The following CCDC80 variants were observed in gnomAD, a reference collection of about 807,000 sequenced individuals.
CCDC80 encodes the protein coiled-coil domain containing 80, also known as coiled-coil domain-containing protein 80.
In CCDC80, 49 loss-of-function variants were observed where a neutral mutation model predicts 78.7. The ratio of observed to expected loss-of-function variants is 0.62; its 90% confidence interval spans 0.50 to 0.79. The LOEUF (loss-of-function observed/expected upper bound fraction) is 0.79. Ranked by LOEUF, CCDC80 falls within the 30% of genes least tolerant of loss-of-function variation. The pLI, the probability that CCDC80 is intolerant of heterozygous loss-of-function variation, is 0.00. For synonymous variants in CCDC80, 488 were observed against 447.0 expected, an observed-to-expected ratio of 1.09 and a Z score of -1.16; for missense variants, 1,205 against 1,198.6, an observed-to-expected ratio of 1.01 and a Z score of -0.08.
Position 112,616,847 on chromosome 3 carries a change from C to G in CCDC80, c.2184G>C (p.Glu728Asp), listed in dbSNP as rs1559876883. The G allele has an allele frequency of 4.3e-6, 7 of 1,613,738 alleles. No individual in the cohort carries two copies. The highest frequency in any genetic ancestry group is 5.9e-6 in the Non-Finnish European group (7 of 1,179,948). Residue 728 changes from glutamate to aspartate, a missense_variant, in exon 5 of 8, where the codon GAG (glutamate) becomes GAC (aspartate). Glu to Asp is a conservative substitution (Grantham distance 45, BLOSUM62 2). Transcript: ENST00000206423. ...DVDLRVKQYY[E>D]VPITMKSVFD... The stretch of plus-strand genomic sequence containing the variant: ...ACACAGACTTCATTGTTATTGGTAC[C>G]TCATAGTATTGCTGTTTAAGAAAAA...
intron 4 of CCDC80, among the ~76,000 whole-genome samples, chr3:112,618,484 G>A (rs751030540): frequency 6.6e-6 from 1 of 151,852 alleles, no homozygotes. Flanking sequence ...CCGAGATCAC[G>A]CCACTGCACT....
intron 2 of CCDC80, among the ~76,000 whole-genome samples, chr3:112,637,074 G>A (rs1455565364): frequency 6.6e-6 from 1 of 152,136 alleles, no homozygotes; most frequent in African/African-American, 2.4e-5. Flanking sequence ...ATTTGGTGGT[G>A]GCAAGTGATG....
rs775255842 is a variant in CCDC80 at position 112,601,696 on chromosome 3, AG to A, written c.*3720del. The A allele has an allele frequency of 1.7e-3, 47 of 28,246 alleles. 1 individual carries two copies. The highest frequency in any genetic ancestry group is 3.3e-3 in the African/African-American group (42 of 12,580). The allele number at this position is 28,246 out of a possible 1,614,324, so 1.7% of individuals were successfully genotyped here. A position where few individuals can be genotyped will look rare whatever the true frequency, so the allele number is the denominator to read the frequency against. On this transcript the variant is annotated 3_prime_UTR_variant, in exon 8 of 8. Transcript: ENST00000206423. ...CCTCTCCAAAAAAAGAAAAAAAAAA[AG>A]AGAAAAAAAAGAAGCAGCAGCAACG...
At chr3:112,631,585 G>A (rs1014425338) in intron 2 of CCDC80, among the ~76,000 whole-genome samples, 6 of 151,940 alleles carry the variant, frequency 3.9e-5, no homozygotes, top group South Asian at 2.1e-4. Flanking sequence ...CTATTTATCC[G>A]CCTAAACTTA....
rs1935342926 is a variant in CCDC80 at position 112,599,761 on chromosome 3, C to G, written c.*5656G>C. 6.6e-6 allele frequency: 1 copy of G among 152,206 alleles called. No homozygotes were observed. The highest frequency in any genetic ancestry group is 2.4e-5 in the African/African-American group (1 of 41,450). The allele number at this position is 152,206 out of a possible 1,614,324, so 9.4% of individuals were successfully genotyped here. On this transcript the variant is annotated 3_prime_UTR_variant, in exon 8 of 8. Coordinates refer to ENST00000206423, the MANE Select transcript of CCDC80 (RefSeq NM_199511.3). ...TGGGACCAGCTGGGTTGCACCCACT[C>G]CCCTGTGTCTGGACCTCCTGCCTAT...
Position 112,603,012 on chromosome 3 carries a change from G to GT in CCDC80, c.*2404dup, listed in dbSNP as rs910021005. On this transcript the variant is annotated 3_prime_UTR_variant, in exon 8 of 8. Transcript: ENST00000206423. ...CCAACAGGCTTACTCCTTGTTAGAA[G>GT]TTAACGCAGCTGGTGATTTTAAGTT... is the stretch of plus-strand genomic sequence containing the variant. The GT allele has an allele frequency of 6.6e-6, 1 of 152,194 alleles. No individual in the cohort carries two copies. The highest frequency in any genetic ancestry group is 1.5e-5 in the Non-Finnish European group (1 of 68,038). The allele number at this position is 152,194 out of a possible 1,614,324, so 9.4% of individuals were successfully genotyped here. A position where few individuals can be genotyped will look rare whatever the true frequency, so the allele number is the denominator to read the frequency against.
intron 6 of CCDC80, among the ~76,000 whole-genome samples, chr3:112,609,482 C>T (rs996196395): frequency 1.8e-4 from 28 of 152,184 alleles, no homozygotes; most frequent in African/African-American, 6.0e-4. Flanking sequence ...AAAATTCTTT[C>T]ACTAAGTCTT....
rs201546228 is a variant in CCDC80 at position 112,616,862 on chromosome 3, T to C, written c.2173-4A>G. ...TTATTGGTACCTCATAGTATTGCTG[T>C]TTAAGAAAAAACAGAATGCATTTAA... On this transcript the variant is annotated splice_region_variant and splice_polypyrimidine_tract_variant and intron_variant, in intron 4 of 7. Coordinates refer to ENST00000206423, the MANE Select transcript of CCDC80 (RefSeq NM_199511.3). 1.2e-6 allele frequency: 2 copies of C among 1,612,664 alleles called. No homozygotes were observed. The highest frequency in any genetic ancestry group is 2.2e-5 in the East Asian group (1 of 44,868).
At chr3:112,606,854 T>C (rs1212998217) in intron 7 of CCDC80, among the ~76,000 whole-genome samples, 2 of 152,184 alleles carry the variant, frequency 1.3e-5, no homozygotes, top group African/African-American at 4.8e-5. Context: ...AATTAAATGA[T>C]ATAAAATAGA....
chr3:112,619,222 A>G, intron 3 of CCDC80, 118 bp from the exon 4 acceptor site: 1 of 915,064 alleles, frequency 1.1e-6, no homozygotes, highest in Non-Finnish European at 1.5e-6. Context: ...TATATATTCA[A>G]CTCACGTTGT....
In CCDC80 at chr3:112,610,053, T is replaced by C; in HGVS notation, c.2350A>G (p.Ile784Val). 1 of 1,613,388 alleles carries C rather than the reference T, an allele frequency of 6.2e-7. No individual in the cohort carries two copies. Among genetic ancestry groups the C allele is most frequent in the Middle Eastern group, 1.6e-4 (1 of 6,062 alleles). The change falls in exon 6 of 8, where the codon ATC becomes GTC. Residue 784 changes from isoleucine (I) to valine (V), a missense_variant. Physicochemically the swap from Ile to Val is conservative, Grantham distance 29. Transcript: ENST00000206423. The part of the protein sequence containing the change: ...RFRWRRRLLV[I>V]SAPNDEDWAY... ...CAGTCTTCATCGTTAGGAGCAGAGATCACCAGCAACCTCCTCCTCCACCGG... is the reference window on the plus strand; with the variant it reads ...CAGTCTTCATCGTTAGGAGCAGAGACCACCAGCAACCTCCTCCTCCACCGG...
rs1329849156 is a variant in CCDC80, at chr3:112,601,694, AAAG to A, written c.*3720_*3722del. The stretch of plus-strand genomic sequence containing the variant: ...ACCCTCTCCAAAAAAAGAAAAAAAA[AAAG>A]AGAAAAAAAAGAAGCAGCAGCAACG... On this transcript the variant is annotated 3_prime_UTR_variant, in exon 8 of 8. Transcript: ENST00000206423. 3 of 29,126 alleles carry A rather than the reference AAAG, an allele frequency of 1.0e-4. No homozygotes were observed. Among genetic ancestry groups the A allele is most frequent in the Admixed American group, 2.8e-4 (1 of 3,538 alleles). 1.8% of individuals were successfully genotyped at this position (29,126 alleles called of 1,614,324 possible).
At chr3:112,619,228 G>A (rs772038259) in intron 3 of CCDC80, 124 bp from the exon 4 acceptor site, 65 of 868,340 alleles carry the variant, frequency 7.5e-5, no homozygotes, top group African/African-American at 1.1e-4. Context: ...TTCAACTCAC[G>A]TTGTGTTTGA....
In CCDC80 at chr3:112,639,364, T is replaced by C; in HGVS notation, c.542A>G (p.Glu181Gly). The change falls in exon 2 of 8, where the codon GAG (glutamate) becomes GGG (glycine). Residue 181 changes from glutamate to glycine, a missense_variant. Transcript: ENST00000206423. The part of the protein sequence containing the change: ...LKDDVYCELA[E>G]RHIQQIVLFH... ...GAGCACAATCTGTTGGATGTGCCTCTCCGCCAGCTCACAGTACACATCGTC... is the reference window on the plus strand; with the variant it reads ...GAGCACAATCTGTTGGATGTGCCTCCCCGCCAGCTCACAGTACACATCGTC... 3 of 1,614,140 alleles carry C rather than the reference T, an allele frequency of 1.9e-6. No individual in the cohort carries two copies. Among genetic ancestry groups the C allele is most frequent in the Non-Finnish European group, 2.5e-6 (3 of 1,180,028 alleles).
Position 112,639,547 on chromosome 3 carries a change from T to C in CCDC80, c.359A>G (p.Asp120Gly), listed in dbSNP as rs1238885252. Reference sequence around the variant, plus strand: ...TCTTGACCGAGCTGAGGACCCCTCATCTCTGATCATCTCACGCGGAGAGCC... The same window carrying C: ...TCTTGACCGAGCTGAGGACCCCTCACCTCTGATCATCTCACGCGGAGAGCC... ...ARGSPREMIR[D>G]EGSSARSRML... Residue 120 changes from aspartate (D) to glycine (G), a missense_variant, in exon 2 of 8, where the codon GAT becomes GGT. Coordinates refer to ENST00000206423, the MANE Select transcript of CCDC80 (RefSeq NM_199511.3). 1.9e-6 allele frequency: 3 copies of C among 1,614,034 alleles called. No individual in the cohort carries two copies. Among genetic ancestry groups the C allele is most frequent in the Non-Finnish European group, 2.5e-6 (3 of 1,180,022 alleles).
At chr3:112,631,389 A>G (rs1936095852) in intron 2 of CCDC80, among the ~76,000 whole-genome samples, 1 of 152,178 alleles carries the variant, frequency 6.6e-6, no homozygotes, top group Admixed American at 6.5e-5. Context: ...CTTGATCCCA[A>G]ATAGATCACC....
Position 112,604,474 on chromosome 3 carries a change from CA to C in CCDC80, c.*942del, listed in dbSNP as rs573773722. The C allele has an allele frequency of 2.1e-3, 316 of 151,554 alleles. 1 individual carries two copies. Among genetic ancestry groups the C allele is most frequent in the African/African-American group, 7.3e-3 (302 of 41,420 alleles). 9.4% of individuals were successfully genotyped at this position (151,554 alleles called of 1,614,324 possible). ...AAGTATTTTTAAAATAAAACATGTA[CA>C]TTTTTTGGACATAAAGCTATTATAC... On this transcript the variant is annotated 3_prime_UTR_variant, in exon 8 of 8. Coordinates refer to ENST00000206423, the MANE Select transcript of CCDC80 (RefSeq NM_199511.3).
rs1440033334 is a variant in CCDC80 at position 112,601,424 on chromosome 3, G to A, written c.*3993C>T. 1 of 152,100 alleles carries A rather than the reference G, an allele frequency of 6.6e-6. No individual in the cohort carries two copies. The highest frequency in any genetic ancestry group is 1.5e-5 in the Non-Finnish European group (1 of 68,026). 9.4% of individuals were successfully genotyped at this position (152,100 alleles called of 1,614,324 possible). A position where few individuals can be genotyped will look rare whatever the true frequency, so the allele number is the denominator to read the frequency against. On this transcript the variant is annotated 3_prime_UTR_variant, in exon 8 of 8. Transcript: ENST00000206423. ...GCCTTCCCATTATTGTTAGAGGATG[G>A]TGCCATCATGATGCTAAATGCCTAT...
Position 112,616,868 on chromosome 3 carries a change from A to G in CCDC80, c.2173-10T>C. ...GTACCTCATAGTATTGCTGTTTAAG[A>G]AAAAACAGAATGCATTTAATGTACA... is the stretch of plus-strand genomic sequence containing the variant. On this transcript the variant is annotated splice_polypyrimidine_tract_variant and intron_variant, in intron 4 of 7. Transcript: ENST00000206423. 1 of 1,612,424 alleles carries G rather than the reference A, an allele frequency of 6.2e-7. No individual in the cohort carries two copies. Among genetic ancestry groups the G allele is most frequent in the Non-Finnish European group, 8.5e-7 (1 of 1,179,594 alleles).
Sources: gnomAD v4.1 joint callset for allele counts (sites outside exome capture counted in the v4.1 genomes callset) on GRCh38, gnomAD v4.1.1 for gene constraint, MANE v1.5 for transcripts, NCBI Gene and HGNC (gene_info 2026-07-23, HGNC 2026-07-21) for gene names.